Variants in SHANK2 observed in about 807,000 individuals in gnomAD.
SHANK2 encodes SH3 and multiple ankyrin repeat domains protein 2.
A neutral mutation model predicts 133.7 loss-of-function variants in SHANK2; 43 were observed. The observed-to-expected ratio is 0.32, with a 90% CI of 0.25 to 0.41. The LOEUF is 0.41. SHANK2 is among the 10% of genes least tolerant of loss of function. SHANK2 has a pLI of 1.00. For synonymous variants in SHANK2, 1,017 were observed against 952.8 expected (o/e 1.07, Z -1.24); for missense variants, 1,994 against 2,235.8 (o/e 0.89, Z 2.18).
At chr11:70,801,122 G>A (rs1210549746) in intron 13 of SHANK2, among the ~76,000 whole-genome samples, 1 of 152,180 alleles carries the variant, frequency 6.6e-6, no homozygotes, top group Non-Finnish European at 1.5e-5. Context: ...TGTGGAATGA[G>A]GACTCAACAC....
At chr11:70,943,568 G>A (rs782306419) in intron 10 of SHANK2, among the ~76,000 whole-genome samples, 9 of 152,146 alleles carry the variant, frequency 5.9e-5, no homozygotes, top group Non-Finnish European at 1.0e-4. Context: ...ACCCCTGGGC[G>A]GCAGGGACAG....
At chr11:70,843,841 A>G (rs962614422) in intron 11 of SHANK2, among the ~76,000 whole-genome samples, 2 of 152,100 alleles carry the variant, frequency 1.3e-5, no homozygotes, top group African/African-American at 4.8e-5. Context: ...AGCCCTCCCA[A>G]TTTGGTGCTC....
At chr11:70,492,931 G>A (rs1157848490) in intron 21 of SHANK2, among the ~76,000 whole-genome samples, 2 of 151,498 alleles carry the variant, frequency 1.3e-5, no homozygotes, top group Admixed American at 6.6e-5. Context: ...GAGTAGCTGG[G>A]ATTACAGGCA....
intron 11 of SHANK2, among the ~76,000 whole-genome samples, chr11:70,878,944 C>G (rs1004584728): frequency 1.3e-5 from 2 of 152,194 alleles, no homozygotes; most frequent in East Asian, 1.9e-4. Flanking sequence ...GTGACTTCTC[C>G]TTTACCATCT....
chr11:70,708,491 C>A (rs1206131925), intron 14 of SHANK2, among the ~76,000 whole-genome samples: 4 of 152,202 alleles, frequency 2.6e-5, no homozygotes, highest in Admixed American at 2.6e-4. Context: ...GAGCCACATG[C>A]CGCAGACATT....
At chr11:70,636,043 C>A (rs1340338580) in intron 17 of SHANK2, among the ~76,000 whole-genome samples, 1 of 152,268 alleles carries the variant, frequency 6.6e-6, no homozygotes, top group Non-Finnish European at 1.5e-5. Context: ...GTGCCCGGCC[C>A]ACCCTCACCT....
intron 17 of SHANK2, among the ~76,000 whole-genome samples, chr11:70,514,682 G>A (rs2059244345): frequency 6.6e-6 from 1 of 152,190 alleles, no homozygotes; most frequent in Admixed American, 6.5e-5. Context: ...AGCTAAGAAT[G>A]TATACTGTAA....
intron 17 of SHANK2, among the ~76,000 whole-genome samples, chr11:70,524,352 G>A (rs2059369738): frequency 6.6e-6 from 1 of 152,242 alleles, no homozygotes; most frequent in East Asian, 1.9e-4. Context: ...GGAGCCTGGA[G>A]AAAGGTATGG....
intron 10 of SHANK2, among the ~76,000 whole-genome samples, chr11:70,951,798 T>A (rs1439294306): frequency 1.3e-5 from 2 of 152,220 alleles, no homozygotes; most frequent in African/African-American, 4.8e-5. Context: ...GGAGGGTCTT[T>A]CCTGCCTCTC....
intron 6 of SHANK2, among the ~76,000 whole-genome samples, chr11:71,107,999 C>T (rs979619803): frequency 1.3e-5 from 2 of 152,174 alleles, no homozygotes; most frequent in African/African-American, 4.8e-5. Context: ...AAATAGCCCT[C>T]GACGAGGCCA....
intron 12 of SHANK2, among the ~76,000 whole-genome samples, chr11:70,814,933 C>T (rs1241952224): frequency 1.3e-5 from 2 of 152,146 alleles, no homozygotes; most frequent in African/African-American, 4.8e-5. Context: ...CCAACCAGCC[C>T]CTTGGCAGCT....
At chr11:70,784,652 G>T (rs1565313996) in intron 14 of SHANK2, among the ~76,000 whole-genome samples, 1 of 152,150 alleles carries the variant, frequency 6.6e-6, no homozygotes. Flanking sequence ...GACCAGCGAG[G>T]TGATGTCCCC....
chr11:70,753,265 A>G (rs1468509024), intron 14 of SHANK2, among the ~76,000 whole-genome samples: 1 of 152,210 alleles, frequency 6.6e-6, no homozygotes, highest in Non-Finnish European at 1.5e-5. Flanking sequence ...CGTTCTCAGC[A>G]ATCAACAACA....
At chr11:71,212,807 G>A (rs937190008) in intron 2 of SHANK2, among the ~76,000 whole-genome samples, 1 of 152,186 alleles carries the variant, frequency 6.6e-6, no homozygotes, top group Admixed American at 6.5e-5. Context: ...TCTGGTAGGA[G>A]AGGTTTCTTT....
At chr11:71,215,937 C>A (rs1555119780) in intron 2 of SHANK2, among the ~76,000 whole-genome samples, 1 of 152,080 alleles carries the variant, frequency 6.6e-6, no homozygotes, top group African/African-American at 2.4e-5. Flanking sequence ...CCTCCCCCAC[C>A]CTCCAGGATG....
At chr11:70,556,389 T>TC (rs2059830073) in intron 17 of SHANK2, among the ~76,000 whole-genome samples, 2 of 136,166 alleles carry the variant, frequency 1.5e-5, no homozygotes, top group Non-Finnish European at 3.2e-5. Flanking sequence ...GTCTCTTTCT[T>TC]TCTTTCTCTC....
At chr11:71,102,341 C>T (rs1319831015) in intron 6 of SHANK2, among the ~76,000 whole-genome samples, 1 of 152,080 alleles carries the variant, frequency 6.6e-6, no homozygotes, top group Non-Finnish European at 1.5e-5. Flanking sequence ...CGCCTGCAAT[C>T]ACACAGGCTG....
chr11:71,236,949 G>A (rs1954832570), intron 1 of SHANK2, among the ~76,000 whole-genome samples: 2 of 152,220 alleles, frequency 1.3e-5, no homozygotes, highest in African/African-American at 4.8e-5. Flanking sequence ...CGGCCGGGAG[G>A]GACTTGGCGC....
intron 17 of SHANK2, among the ~76,000 whole-genome samples, chr11:70,543,154 G>A (rs1198089280): frequency 1.3e-5 from 2 of 152,188 alleles, no homozygotes; most frequent in East Asian, 1.9e-4. Context: ...TCAGATCAGA[G>A]GATGCTCTGT....
Sources: allele counts gnomAD v4.1 joint callset (sites outside exome capture counted in the v4.1 genomes callset), GRCh38; gene constraint gnomAD v4.1.1; transcripts MANE v1.5; gene names NCBI Gene and HGNC (gene_info 2026-07-23, HGNC 2026-07-21).